HVCN1: variants seen among roughly 807,000 people sequenced by gnomAD.
HVCN1 encodes the protein hydrogen voltage gated channel 1.
Under a neutral mutation model 29.2 loss-of-function variants are expected in HVCN1, and 14 were observed. That is an observed-to-expected ratio of 0.48 (90% CI 0.32 to 0.75). The LOEUF is 0.75. Among genes scored for constraint, HVCN1 ranks in the 30% least tolerant of loss-of-function variants. The pLI is 0.04. For synonymous variants in HVCN1, 131 were observed against 133.2 expected (o/e 0.98, Z 0.11); for missense variants, 263 against 341.8 (o/e 0.77, Z 1.82).
At chr12:110,672,854 C>T (rs1003032651) in intron 3 of HVCN1, among the ~76,000 whole-genome samples, 5 of 152,188 alleles carry the variant, frequency 3.3e-5, no homozygotes, top group South Asian at 2.1e-4. Context: ...CCTTTCGCCT[C>T]CTGCCATAAT....
intron 2 of HVCN1, chr12:110,688,421 G>C (rs1221672823): frequency 1.3e-5 from 2 of 152,386 alleles, no homozygotes; most frequent in African/African-American, 4.8e-5. Context: ...CAGCATCTCT[G>C]TCTCCAACAG....
At chr12:110,672,336 A>G (rs762000754) in intron 3 of HVCN1, among the ~76,000 whole-genome samples, 4 of 152,154 alleles carry the variant, frequency 2.6e-5, no homozygotes, top group Non-Finnish European at 4.4e-5. Flanking sequence ...TCCCACGTGC[A>G]CACAGGTGCT....
intron 3 of HVCN1, among the ~76,000 whole-genome samples, chr12:110,663,392 C>T (rs1260989447): frequency 1.3e-5 from 2 of 151,446 alleles, no homozygotes; most frequent in African/African-American, 2.4e-5. Flanking sequence ...TGCTTGAGCC[C>T]AGGAGCTGAG....
intron 3 of HVCN1, among the ~76,000 whole-genome samples, chr12:110,672,257 G>A (rs1026381186): frequency 5.9e-5 from 9 of 152,186 alleles, no homozygotes; most frequent in Admixed American, 5.9e-4. Flanking sequence ...CTACAGGTGT[G>A]TGCCACCATG....
At chr12:110,649,565 C>T in intron 7 of HVCN1, 90 bp from the exon 8 acceptor site, 3 of 906,744 alleles carry the variant, frequency 3.3e-6, no homozygotes, top group Non-Finnish European at 5.3e-6. Flanking sequence ...AGGCACAGGA[C>T]CACAGAGATG....
intron 3 of HVCN1, among the ~76,000 whole-genome samples, chr12:110,675,860 G>A (rs921293995): frequency 1.3e-5 from 2 of 152,190 alleles, no homozygotes; most frequent in African/African-American, 4.8e-5. Flanking sequence ...AGTGAGCCGA[G>A]ATAATGCCAT....
chr12:110,668,322 C>T (rs147328173), intron 3 of HVCN1, among the ~76,000 whole-genome samples: 23 of 152,054 alleles, frequency 1.5e-4, no homozygotes, highest in Non-Finnish European at 2.8e-4. Context: ...ACCAACATGG[C>T]GAAACCCCAT....
chr12:110,704,409 G>A (rs1252077503), intron 1 of HVCN1, among the ~76,000 whole-genome samples: 1 of 152,140 alleles, frequency 6.6e-6, no homozygotes, highest in African/African-American at 2.4e-5. Context: ...AACACTTTGG[G>A]AGGCTGATGC....
upstream of HVCN1, among the ~76,000 whole-genome samples, chr12:110,691,803 T>A (rs1361834167): frequency 1.3e-5 from 2 of 152,180 alleles, no homozygotes; most frequent in Non-Finnish European, 2.9e-5. Context: ...TACAGAGGCA[T>A]CGCTCAGTCT....
rs899879638 is a variant in HVCN1 at position 110,675,243 on chromosome 12, G to A, written c.21+7982C>T. Among the ~76,000 whole-genome samples, 3 of 152,348 alleles carry A rather than the reference G, an allele frequency of 2.0e-5. No individual in the cohort carries two copies. In the South Asian group the frequency reaches 6.2e-4, roughly 32 times the overall value. On this transcript the variant is annotated intron_variant, in intron 3 of 7. Transcript: ENST00000242607. The stretch of plus-strand genomic sequence containing the variant: ...GGAGGCCAAGGCTGGTGGATCACCT[G>A]AGGTCAGGAGTTCAAGACCAGCCTC...
At chr12:110,696,351 T>A (rs989171308) in intron 2 of HVCN1, among the ~76,000 whole-genome samples, 2 of 152,184 alleles carry the variant, frequency 1.3e-5, no homozygotes, top group Non-Finnish European at 2.9e-5. Context: ...TGGCATTTAG[T>A]ACATTCACAA....
intron 2 of HVCN1, among the ~76,000 whole-genome samples, chr12:110,684,365 A>G (rs1290428392): frequency 6.6e-6 from 1 of 152,254 alleles, no homozygotes; most frequent in Non-Finnish European, 1.5e-5. Flanking sequence ...TTTCACTCCA[A>G]TTGAAAAAAG....
intron 5 of HVCN1, among the ~76,000 whole-genome samples, chr12:110,652,210 A>G (rs1444443782): frequency 2.0e-5 from 3 of 152,190 alleles, no homozygotes; most frequent in Non-Finnish European, 4.4e-5. Context: ...GTTGGCCAAC[A>G]TGGTGAAAAC....
At chr12:110,700,024 CA>C in intron 2 of HVCN1, among the ~76,000 whole-genome samples, 1 of 152,288 alleles carries the variant, frequency 6.6e-6, no homozygotes, top group Admixed American at 6.5e-5. Flanking sequence ...AGGGGGCGAA[CA>C]AGATTGGGAC....
chr12:110,692,884 G>C (rs1456378455), upstream of HVCN1, among the ~76,000 whole-genome samples: 2 of 152,040 alleles, frequency 1.3e-5, no homozygotes, highest in African/African-American at 4.8e-5. Flanking sequence ...TGTTTGTTTA[G>C]AGACAGGGTC....
rs148102495 is a variant in HVCN1 at position 110,670,802 on chromosome 12, G to A, written c.22-9354C>T. On this transcript the variant is annotated intron_variant, in intron 3 of 7. Transcript: ENST00000242607. The stretch of plus-strand genomic sequence containing the variant: ...GGACCCTTAGAATGTGACCTTATTT[G>A]GAATGTAGGTCTTTGCAGATGTAAC... Among the ~76,000 whole-genome samples, 256 of 152,194 alleles carry A rather than the reference G, an allele frequency of 1.7e-3. 2 individuals carry two copies. Among genetic ancestry groups the A allele is most frequent in the Non-Finnish European group, 3.1e-3 (209 of 68,004 alleles).
intron 1 of HVCN1, among the ~76,000 whole-genome samples, chr12:110,703,039 TG>T: frequency 6.6e-6 from 1 of 151,756 alleles, no homozygotes; most frequent in South Asian, 2.1e-4. Context: ...CCTCCTGCCT[TG>T]GCCTCCCAAA....
rs1047071778 is a variant in HVCN1, at chr12:110,676,841, C to T, written c.21+6384G>A. Among the ~76,000 whole-genome samples, 2 of 152,054 alleles carry T rather than the reference C, an allele frequency of 1.3e-5. No individual in the cohort carries two copies. The highest frequency in any genetic ancestry group is 2.4e-5 in the African/African-American group (1 of 41,396). On this transcript the variant is annotated intron_variant, in intron 3 of 7. Transcript: ENST00000242607. This position sits in a 1 kb window ranked among gnomAD's most constrained non-coding sequence, Gnocchi z 4.1. ...TCTGAGCCAGGAGCACATCTGCATG[C>T]GAGTCCCACAGGTCCTCCTAGTGAG... is the stretch of plus-strand genomic sequence containing the variant.
Position 110,668,412 on chromosome 12 carries a change from T to C in HVCN1, c.22-6964A>G, listed in dbSNP as rs147516985. Among the ~76,000 whole-genome samples the C allele has an allele frequency of 7.1e-3, 1,077 of 152,114 alleles. 1 individual carries two copies. The highest frequency in any genetic ancestry group is 9.4e-3 in the Non-Finnish European group (639 of 67,996). On this transcript the variant is annotated intron_variant, in intron 3 of 7. Coordinates refer to ENST00000242607, the MANE Select transcript of HVCN1 (RefSeq NM_032369.4). Reference sequence around the variant, plus strand: ...CCCAGCTACTTGGGAGGCTGAGGCATGAAAATTGCTTGAACCTAGGAGGCA... The same window carrying C: ...CCCAGCTACTTGGGAGGCTGAGGCACGAAAATTGCTTGAACCTAGGAGGCA...
Sources: allele counts gnomAD v4.1 joint callset (sites outside exome capture counted in the v4.1 genomes callset), GRCh38; gene constraint gnomAD v4.1.1; non-coding constraint Gnocchi (gnomAD v3.1); transcripts MANE v1.5; gene names NCBI Gene and HGNC (gene_info 2026-07-23, HGNC 2026-07-21).